The following TMEM123 variants were observed in gnomAD, a reference collection of about 807,000 sequenced individuals.
The protein encoded by TMEM123 is porimin.
A neutral mutation model predicts 19.7 loss-of-function variants in TMEM123; 16 were observed. That is an observed-to-expected ratio of 0.81 (90% confidence interval 0.55 to 1.23). TMEM123 has a LOEUF of 1.23. Ranked by LOEUF, TMEM123 falls within the 50% of genes most tolerant of loss-of-function variation. The probability of loss-of-function intolerance (pLI) is 0.00; values close to 1 mark genes in which losing one functional copy is unlikely to be tolerated. For missense variants in TMEM123, 313 were observed against 257.8 expected (o/e 1.21, Z -1.47); for synonymous variants, 118 against 99.4 (o/e 1.19, Z -1.12).
Position 102,401,644 on chromosome 11 carries a change from G to A in TMEM123, c.497C>T (p.Thr166Ile). The A allele has an allele frequency of 1.2e-6, 2 of 1,607,280 alleles. No homozygotes were observed. Among genetic ancestry groups the A allele is most frequent in the East Asian group, 4.5e-5 (2 of 44,750 alleles). Residue 166 changes from threonine to isoleucine, a missense_variant, in exon 4 of 5, where the codon ACT becomes ATT. Thr to Ile is a moderately conservative substitution (Grantham distance 89, BLOSUM62 -1). Coordinates refer to ENST00000398136, the MANE Select transcript of TMEM123 (RefSeq NM_052932.3). ...TACAATACCACCAACAAAGCTCCCA[G>A]TATCAAATTTTGATCCTTTCTTTGC... is the stretch of plus-strand genomic sequence containing the variant. ...SEAKKGSKFD[T>I]GSFVGGIVLT...
In TMEM123 at chr11:102,452,551, C is replaced by T; in HGVS notation, c.73G>A (p.Ala25Thr). ...GTLQVLALLG[A>T]AHESAAMAAS... Reference sequence around the variant, plus strand: ...GCCATGGCTGCGCTTTCATGGGCGGCCCCCAGCAGCGCTAGCACCTGCAGC... The same window carrying T: ...GCCATGGCTGCGCTTTCATGGGCGGTCCCCAGCAGCGCTAGCACCTGCAGC... The change falls in exon 1 of 5, where the codon GCC becomes ACC. Residue 25 changes from alanine (A) to threonine (T), a missense_variant. Transcript: ENST00000398136. The T allele has an allele frequency of 6.4e-7, 1 of 1,565,032 alleles. No homozygotes were observed. Among genetic ancestry groups the T allele is most frequent in the Non-Finnish European group, 8.6e-7 (1 of 1,159,786 alleles).
rs576473495 is a variant in TMEM123, at chr11:102,403,687, G to A, written c.158-1481C>T. ...ATTGAAATTTGATCTCCAATGTGGCGGTCTTGGGAGGTGGGGCCTAGTGGG... is the reference window on the plus strand; with the variant it reads ...ATTGAAATTTGATCTCCAATGTGGCAGTCTTGGGAGGTGGGGCCTAGTGGG... On this transcript the variant is annotated intron_variant, in intron 2 of 4. Coordinates refer to ENST00000398136, the MANE Select transcript of TMEM123 (RefSeq NM_052932.3). 1.2e-4 allele frequency among the ~76,000 whole-genome samples: 19 copies of A among 152,224 alleles called. No individual in the cohort carries two copies. The South Asian group carries it at 2.9e-3, about 23-fold the overall frequency.
Position 102,440,628 on chromosome 11 carries a change from G to A in TMEM123, c.157+8184C>T, listed in dbSNP as rs1049977616. On this transcript the variant is annotated intron_variant, in intron 2 of 4. Transcript: ENST00000398136. ...TTGTAAAGACCATCGATGATAGGAA[G>A]AAACTGCATTAACTAACGAGCAAAA... is the stretch of plus-strand genomic sequence containing the variant. 2.0e-5 allele frequency among the ~76,000 whole-genome samples: 3 copies of A among 152,332 alleles called. No individual in the cohort carries two copies. In the East Asian group the frequency reaches 5.8e-4, roughly 29 times the overall value.
At chr11:102,451,038 T>C (rs754055033) in intron 1 of TMEM123, among the ~76,000 whole-genome samples, 2 of 152,256 alleles carry the variant, frequency 1.3e-5, no homozygotes, top group Non-Finnish European at 2.9e-5. Flanking sequence ...TTGGTTATAC[T>C]AGTTTATGAA....
chr11:102,422,183 G>A (rs773440734), intron 2 of TMEM123, among the ~76,000 whole-genome samples: 13 of 152,320 alleles, frequency 8.5e-5, no homozygotes, highest in Non-Finnish European at 1.8e-4. Context: ...TGGTAAAGGT[G>A]GAAAGAATGG....
chr11:102,436,200 T>C (rs1270052768), intron 2 of TMEM123, among the ~76,000 whole-genome samples: 3 of 152,040 alleles, frequency 2.0e-5, no homozygotes, highest in East Asian at 3.8e-4. Flanking sequence ...TTTCCCACTA[T>C]TGCCCAGGCT....
At chr11:102,405,531 A>G (rs905006165) in intron 2 of TMEM123, among the ~76,000 whole-genome samples, 4 of 152,248 alleles carry the variant, frequency 2.6e-5, no homozygotes, top group African/African-American at 9.6e-5. Context: ...TAACATTAAA[A>G]TAATCACCTT....
intron 2 of TMEM123, among the ~76,000 whole-genome samples, chr11:102,436,177 T>G (rs922647413): frequency 2.0e-5 from 3 of 151,948 alleles, no homozygotes; most frequent in African/African-American, 7.2e-5. Context: ...ATTTATTTTA[T>G]TTTGAGATGG....
At chr11:102,406,868 C>CAAAA (rs61413300) in intron 2 of TMEM123, among the ~76,000 whole-genome samples, 1 of 86,302 alleles carries the variant, frequency 1.2e-5, no homozygotes, top group East Asian at 3.2e-4. Flanking sequence ...GAGGCTCCGT[C>CAAAA]AAAAAAAAAA....
intron 2 of TMEM123, among the ~76,000 whole-genome samples, chr11:102,414,980 C>T (rs1952032859): frequency 1.3e-5 from 2 of 152,156 alleles, no homozygotes; most frequent in South Asian, 2.1e-4. Context: ...CACCCACGGG[C>T]TCAAAATAAA....
intron 2 of TMEM123, among the ~76,000 whole-genome samples, chr11:102,434,295 G>C (rs1249814335): frequency 6.6e-6 from 1 of 151,828 alleles, no homozygotes; most frequent in African/African-American, 2.4e-5. Flanking sequence ...TCATAGGTGT[G>C]AGAAGACATT....
At chr11:102,446,239 C>T (rs1857882208) in intron 2 of TMEM123, among the ~76,000 whole-genome samples, 1 of 152,154 alleles carries the variant, frequency 6.6e-6, no homozygotes, top group South Asian at 2.1e-4. Context: ...ATTCATCCAT[C>T]CACAGAATCT....
intron 2 of TMEM123, among the ~76,000 whole-genome samples, chr11:102,424,942 C>G (rs1320909016): frequency 6.6e-6 from 1 of 152,126 alleles, no homozygotes; most frequent in Non-Finnish European, 1.5e-5. Context: ...TGGTCAAAGA[C>G]AAAAATATGT....
At chr11:102,398,918 CTTTGTTTTGTT>C in intron 4 of TMEM123, 27 bp from the exon 5 acceptor site, 1 of 1,597,116 alleles carries the variant, frequency 6.3e-7, no homozygotes, top group Non-Finnish European at 8.5e-7. Flanking sequence ...GTTACAATTA[CTTTGTTTTGTT>C]TTTTCTGTCA....
chr11:102,432,692 C>T (rs750873405), intron 2 of TMEM123, among the ~76,000 whole-genome samples: 33 of 152,232 alleles, frequency 2.2e-4, no homozygotes, highest in African/African-American at 8.0e-4. Context: ...GTCTCCAGGG[C>T]ATGTCAGATA....
chr11:102,442,028 A>G (rs771470181), intron 2 of TMEM123, among the ~76,000 whole-genome samples: 4 of 152,224 alleles, frequency 2.6e-5, no homozygotes, highest in Non-Finnish European at 5.9e-5. Flanking sequence ...CACTAGACCA[A>G]TATCAGGCTC....
intron 2 of TMEM123, among the ~76,000 whole-genome samples, chr11:102,431,088 A>T (rs184935779): frequency 2.0e-5 from 3 of 152,304 alleles, no homozygotes; most frequent in Admixed American, 2.0e-4. Flanking sequence ...GTTTTGTAGG[A>T]GAGGGTCAGT....
At chr11:102,398,949 A>G in intron 4 of TMEM123, 58 bp from the exon 5 acceptor site, 1 of 1,462,448 alleles carries the variant, frequency 6.8e-7, no homozygotes, top group Non-Finnish European at 9.5e-7. Flanking sequence ...AAAACTACTT[A>G]TGTTCCTATT....
chr11:102,408,847 T>C (rs551926921), intron 2 of TMEM123, among the ~76,000 whole-genome samples: 1 of 152,274 alleles, frequency 6.6e-6, no homozygotes, highest in East Asian at 1.9e-4. Flanking sequence ...GCCCAGACCT[T>C]TTTCTGTTAA....
Sources: allele counts gnomAD v4.1 joint callset (sites outside exome capture counted in the v4.1 genomes callset), GRCh38; gene constraint gnomAD v4.1.1; transcripts MANE v1.5; gene names NCBI Gene and HGNC (gene_info 2026-07-23, HGNC 2026-07-21).